DMD: variants seen among roughly 807,000 people sequenced by gnomAD.
The protein encoded by DMD is mutant dystrophin.
A neutral mutation model predicts 330.1 loss-of-function variants in DMD; 63 were observed. The ratio of observed to expected loss-of-function variants is 0.19; its 90% CI spans 0.16 to 0.24. DMD has a LOEUF of 0.24. Ranked by LOEUF, DMD falls within the 10% of genes least tolerant of loss-of-function variation. The probability of loss-of-function intolerance (pLI) is 1.00; values close to 1 mark genes in which losing one functional copy is unlikely to be tolerated. For missense variants in DMD, 3,344 were observed against 2,684.1 expected (o/e 1.25, Z -5.43); for synonymous variants, 1,223 against 959.8 (o/e 1.27, Z -5.07).
intron 43 of DMD, among the ~76,000 whole-genome samples, chrX:32,242,906 G>A (rs1247249804): frequency 9.5e-6 from 1 of 104,731 alleles, no homozygotes; most frequent in Non-Finnish European, 1.9e-5. Flanking sequence ...GAAAGCAAGC[G>A]AAGAAAGCAA....
At chrX:32,398,595 T>C (rs761302393) in intron 30 of DMD, among the ~76,000 whole-genome samples, 28 of 111,528 alleles carry the variant, frequency 2.5e-4, no homozygotes, top group Non-Finnish European at 4.7e-4. Context: ...AAATAAAAAA[T>C]TGGACATTGT....
chrX:32,612,198 A>G (rs1487552248), intron 12 of DMD, among the ~76,000 whole-genome samples: 3 of 111,348 alleles, frequency 2.7e-5, no homozygotes, highest in Non-Finnish European at 5.7e-5. Flanking sequence ...TACCTTAGAA[A>G]TGTCCCACTA....
chrX:31,588,368 T>C (rs2076708919), intron 55 of DMD, among the ~76,000 whole-genome samples: 1 of 111,279 alleles, frequency 9.0e-6, no homozygotes, highest in Admixed American at 9.6e-5. Flanking sequence ...TAACTGTTGT[T>C]ACACCAAACC....
chrX:31,341,489 T>C (rs180796166), intron 61 of DMD, among the ~76,000 whole-genome samples: 1 of 112,072 alleles, frequency 8.9e-6, no homozygotes, highest in Non-Finnish European at 1.9e-5. Flanking sequence ...TTAACCGCTA[T>C]CGATACCATT....
At chrX:32,100,931 C>G (rs1793090235) in intron 44 of DMD, among the ~76,000 whole-genome samples, 1 of 111,510 alleles carries the variant, frequency 9.0e-6, no homozygotes, top group Non-Finnish European at 1.9e-5. Flanking sequence ...CCTATTCATT[C>G]ATTTGTCTTT....
At chrX:32,955,843 G>C in intron 2 of DMD, among the ~76,000 whole-genome samples, 1 of 111,680 alleles carries the variant, frequency 9.0e-6, no homozygotes, top group Middle Eastern at 4.6e-3. Flanking sequence ...AGATCAGATG[G>C]TTGCTAGGTG....
At chrX:31,955,154 T>C (rs1220178026) in intron 45 of DMD, among the ~76,000 whole-genome samples, 1 of 111,264 alleles carries the variant, frequency 9.0e-6, no homozygotes, top group Non-Finnish European at 1.9e-5. Context: ...CCAGCCTGAG[T>C]GACAGAGCCA....
chrX:31,559,424 C>T (rs754563980), intron 55 of DMD, among the ~76,000 whole-genome samples: 2 of 75,725 alleles, frequency 2.6e-5, no homozygotes, highest in Admixed American at 3.2e-4. Context: ...GGGCGGATCA[C>T]GAGGTCAGGA....
chrX:32,582,706 G>A (rs1467334324), intron 13 of DMD, among the ~76,000 whole-genome samples: 1 of 111,488 alleles, frequency 9.0e-6, no homozygotes, highest in African/African-American at 3.3e-5. Context: ...GGCTTTTACT[G>A]ACCAACTGAC....
intron 1 of DMD, among the ~76,000 whole-genome samples, chrX:33,272,979 A>C (rs1463588660): frequency 8.9e-6 from 1 of 112,009 alleles, no homozygotes; most frequent in African/African-American, 3.2e-5. Flanking sequence ...CTGTATTTCC[A>C]ACACATAGCG....
At chrX:31,221,854 G>C (rs948395206) in intron 64 of DMD, among the ~76,000 whole-genome samples, 1 of 111,110 alleles carries the variant, frequency 9.0e-6, no homozygotes, top group East Asian at 2.8e-4. Context: ...TCAGGAGTTC[G>C]AGACCAGCCT....
chrX:32,748,942 G>A (rs952723226), intron 7 of DMD, among the ~76,000 whole-genome samples: 4 of 112,229 alleles, frequency 3.6e-5, no homozygotes, highest in African/African-American at 1.3e-4. Context: ...GGTACTAACT[G>A]GACTGTTTAA....
At chrX:31,205,455 A>G (rs193105152) in intron 66 of DMD, among the ~76,000 whole-genome samples, 1 of 112,233 alleles carries the variant, frequency 8.9e-6, no homozygotes, top group East Asian at 2.8e-4. Context: ...TAGTTATTCG[A>G]AACACCAACT....
chrX:32,533,225 G>A (rs2047644096), intron 17 of DMD, among the ~76,000 whole-genome samples: 1 of 110,922 alleles, frequency 9.0e-6, no homozygotes, highest in African/African-American at 3.3e-5. Context: ...TCAAAAATAT[G>A]CAATGGCTCC....
At chrX:31,206,245 G>A (rs1923765493) in intron 66 of DMD, among the ~76,000 whole-genome samples, 1 of 112,498 alleles carries the variant, frequency 8.9e-6, no homozygotes, top group Non-Finnish European at 1.9e-5. Flanking sequence ...GACAAGTGCA[G>A]AGATTAAATC....
chrX:32,140,619 A>T (rs2096747885), intron 44 of DMD, among the ~76,000 whole-genome samples: 1 of 111,983 alleles, frequency 8.9e-6, no homozygotes, highest in African/African-American at 3.3e-5. Context: ...GGGAAGAAAA[A>T]GTAGTTTAAT....
At chrX:32,699,337 T>C (rs754706461) in intron 7 of DMD, 44 bp from the exon 8 acceptor site, 1 of 996,719 alleles carries the variant, frequency 1.0e-6, no homozygotes, top group Non-Finnish European at 1.4e-6. Context: ...GGTTTCTATA[T>C]TTGAGACTCT....
intron 7 of DMD, among the ~76,000 whole-genome samples, chrX:32,782,563 G>T (rs562074528): frequency 9.0e-6 from 1 of 111,372 alleles, no homozygotes; most frequent in South Asian, 3.8e-4. Flanking sequence ...TCTTCCTGCA[G>T]TCACAGAAAA....
At chrX:32,928,764 T>C (rs1019917908) in intron 2 of DMD, among the ~76,000 whole-genome samples, 1 of 112,212 alleles carries the variant, frequency 8.9e-6, no homozygotes, top group African/African-American at 3.2e-5. Context: ...GTTATAACAC[T>C]GTTAACTTAC....
Sources: allele counts gnomAD v4.1 joint callset (sites outside exome capture counted in the v4.1 genomes callset), GRCh38; gene constraint gnomAD v4.1.1; transcripts MANE v1.5; gene names NCBI Gene and HGNC (gene_info 2026-07-23, HGNC 2026-07-21).